Variants in MBL2 observed in about 807,000 individuals in gnomAD.
MBL2 encodes the protein mannose-binding protein C.
A neutral mutation model predicts 12.7 loss-of-function variants in MBL2; 6 were observed. That is an observed-to-expected ratio of 0.47 (90% CI 0.26 to 0.94). The LOEUF is 0.94. Ranked by LOEUF, MBL2 falls within the 40% of genes least tolerant of loss-of-function variation. The pLI is 0.15. For missense variants in MBL2, 307 were observed against 295.2 expected (o/e 1.04, Z -0.29); for synonymous variants, 114 against 112.0 (o/e 1.02, Z -0.11).
chr10:52,768,414 T>C lies in MBL2; in HGVS notation c.470A>G (p.Lys157Arg), dbSNP rs1251711278. The C allele has an allele frequency of 6.2e-7, 1 of 1,613,438 alleles. No individual in the cohort carries two copies. The highest frequency in any genetic ancestry group is 1.3e-5 in the African/African-American group (1 of 74,820). The change falls in exon 5 of 5, where the codon AAG (lysine) becomes AGG (arginine). Residue 157 changes from lysine (K) to arginine (R), a missense_variant. By Grantham distance (26) the Lys-to-Arg change is conservative (BLOSUM62 2). Coordinates refer to ENST00000674931, the MANE Select transcript of MBL2 (RefSeq NM_001378373.1). ...TFEKVKALCVKFQASVATPRN... is the reference protein window; with the variant it reads ...TFEKVKALCVRFQASVATPRN... ...GGGGGTGGCCACAGAGGCCTGGAAC[T>C]TGACACACAAGGCCTTCACTTTTTC...
chr10:52,768,396 G>A lies in MBL2; in HGVS notation c.488C>T (p.Ala163Val), dbSNP rs1840339144. The change falls in exon 5 of 5, where the codon GCC becomes GTC. Residue 163 changes from alanine (A) to valine (V), a missense_variant. By Grantham distance (64) the Ala-to-Val change is moderately conservative (BLOSUM62 0). Transcript: ENST00000674931. ...ATTCTCTGCAGCATTCCTGGGGGTG[G>A]CCACAGAGGCCTGGAACTTGACACA... is the stretch of plus-strand genomic sequence containing the variant. ...ALCVKFQASV[A>V]TPRNAAENGA... 6.2e-7 allele frequency: 1 copy of A among 1,613,662 alleles called. No individual in the cohort carries two copies. Among genetic ancestry groups the A allele is most frequent in the Non-Finnish European group, 8.5e-7 (1 of 1,179,942 alleles).
Position 52,766,569 on chromosome 10 carries a change from G to A in MBL2, c.*1568C>T, listed in dbSNP as rs886047045. Reference sequence around the variant, plus strand: ...TCAAAATCATGAAAAATCTCTTCATGGTTTCAAAATCATGAAAAATATCTT... The same window carrying A: ...TCAAAATCATGAAAAATCTCTTCATAGTTTCAAAATCATGAAAAATATCTT... On this transcript the variant is annotated 3_prime_UTR_variant, in exon 5 of 5. Transcript: ENST00000674931. 2.0e-5 allele frequency: 3 copies of A among 151,900 alleles called. No individual in the cohort carries two copies. The South Asian group carries it at 6.2e-4, about 31-fold the overall frequency. 9.4% of individuals were successfully genotyped at this position (151,900 alleles called of 1,614,324 possible). A position where few individuals can be genotyped will look rare whatever the true frequency, so the allele number is the denominator to read the frequency against.
At chr10:52,770,588 A>T in intron 3 of MBL2, 82 bp downstream of exon 3, 1 of 823,840 alleles carries the variant, frequency 1.2e-6, no homozygotes, top group African/African-American at 1.8e-5. Context: ...TTGAAGGAAC[A>T]GGAGAAGGGG....
intron 3 of MBL2, among the ~76,000 whole-genome samples, chr10:52,769,673 T>C (rs936568809): frequency 3.9e-5 from 6 of 152,228 alleles, no homozygotes; most frequent in African/African-American, 1.4e-4. Flanking sequence ...GAGGCGTTAC[T>C]CTATTATGAC....
chr10:52,769,534 A>G (rs1021731426), intron 3 of MBL2, among the ~76,000 whole-genome samples: 1 of 152,212 alleles, frequency 6.6e-6, no homozygotes, highest in Non-Finnish European at 1.5e-5. Context: ...TGTTTACTGT[A>G]TCCCAAAGTA....
rs758996436 is a variant in MBL2, at chr10:52,765,386, T to C, written c.*2751A>G. 2.0e-5 allele frequency: 3 copies of C among 152,196 alleles called. No homozygotes were observed. Among genetic ancestry groups the C allele is most frequent in the African/African-American group, 7.2e-5 (3 of 41,464 alleles). The allele number at this position is 152,196 out of a possible 1,614,324, so 9.4% of individuals were successfully genotyped here. A position where few individuals can be genotyped will look rare whatever the true frequency, so the allele number is the denominator to read the frequency against. On this transcript the variant is annotated 3_prime_UTR_variant, in exon 5 of 5. Coordinates refer to ENST00000674931, the MANE Select transcript of MBL2 (RefSeq NM_001378373.1). ...ATACATACACAAGATAAAATGTGAC[T>C]AAATGGAGTTTATTCCATCAAAGCA...
intron 2 of MBL2, 113 bp from the exon 3 acceptor site, chr10:52,770,899 C>T (rs527261741): frequency 2.7e-5 from 14 of 517,988 alleles, no homozygotes; most frequent in South Asian, 2.3e-4. Flanking sequence ...CCAGGACTGA[C>T]CTTTCTGAGC....
At position 52,771,653 on chromosome 10, in the gene MBL2, G is replaced by T. The variant is rs747003791; in HGVS notation, c.-9-9C>A. On this transcript the variant is annotated splice_polypyrimidine_tract_variant and intron_variant, in intron 1 of 4. Coordinates refer to ENST00000674931, the MANE Select transcript of MBL2 (RefSeq NM_001378373.1). ...AGGGACATGGTCCTCACCTTGGTGT[G>T]AGAAAACTCAGGGAAGGTTAATCTC... 6.2e-6 allele frequency: 10 copies of T among 1,610,342 alleles called. No homozygotes were observed. In the South Asian group the frequency reaches 1.1e-4, roughly 18 times the overall value.
At position 52,772,740 on chromosome 10, in the gene MBL2, T is replaced by C. The variant is rs181316107; in HGVS notation, c.-13A>G. The C allele has an allele frequency of 2.3e-5, 23 of 985,160 alleles. No homozygotes were observed. In the Admixed American group the frequency reaches 3.7e-4, roughly 16 times the overall value. The allele number at this position is 985,160 out of a possible 1,614,324, so 61.0% of individuals were successfully genotyped here. ...TTATTCACCAGAAATGACTTACTGG[T>C]GTTTCTGCAGAGCAGGGACTCAGTG... On this transcript the variant is annotated 5_prime_UTR_variant, in exon 1 of 5. Coordinates refer to ENST00000674931, the MANE Select transcript of MBL2 (RefSeq NM_001378373.1).
At chr10:52,771,728 G>T (rs1840396663) in intron 1 of MBL2, 84 bp from the exon 2 acceptor site, 11 of 1,489,904 alleles carry the variant, frequency 7.4e-6, no homozygotes, top group African/African-American at 2.8e-5. Context: ...TACAATCTGG[G>T]TGCAGGCTAT....
At chr10:52,770,376 C>G (rs1272026036) in intron 3 of MBL2, among the ~76,000 whole-genome samples, 1 of 152,198 alleles carries the variant, frequency 6.6e-6, no homozygotes, top group Admixed American at 6.5e-5. Context: ...CTGTTTTCTC[C>G]CTCTAGGACC....
chr10:52,769,194 A>G (rs1460418763), intron 4 of MBL2, 53 bp downstream of exon 4: 4 of 1,219,400 alleles, frequency 3.3e-6, no homozygotes, highest in Non-Finnish European at 3.6e-6. Flanking sequence ...TATTTGTTGC[A>G]TTCTATTTTT....
At chr10:52,772,704 GA>G in intron 1 of MBL2, 32 bp downstream of exon 1, 3 of 985,126 alleles carry the variant, frequency 3.0e-6, no homozygotes, top group Non-Finnish European at 1.2e-6. Context: ...CCTTGATCCG[GA>G]AACCCAGATT....
Position 52,772,736 on chromosome 10 carries a change from C to T in MBL2, c.-10+1G>A. The T allele has an allele frequency of 5.1e-6, 5 of 985,248 alleles. No homozygotes were observed. In the South Asian group the frequency reaches 2.3e-4, roughly 46 times the overall value. The allele number at this position is 985,248 out of a possible 1,614,324, so 61.0% of individuals were successfully genotyped here. On this transcript the variant is annotated splice_donor_variant, in intron 1 of 4. Coordinates refer to ENST00000674931, the MANE Select transcript of MBL2 (RefSeq NM_001378373.1). LOFTEE classifies it low-confidence loss of function (5UTR_SPLICE). Reference sequence around the variant, plus strand: ...AGATTTATTCACCAGAAATGACTTACTGGTGTTTCTGCAGAGCAGGGACTC... The same window carrying T: ...AGATTTATTCACCAGAAATGACTTATTGGTGTTTCTGCAGAGCAGGGACTC...
At position 52,768,214 on chromosome 10, in the gene MBL2, A is replaced by G. The variant is rs757031277; in HGVS notation, c.670T>C (p.Leu224=). The part of the protein sequence containing the change: ...NNAGSDEDCV[L]LLKNGQWNDV... Reference sequence around the variant, plus strand: ...TTCCACTGGCCATTTTTCAGTAGCAATACACAATCTTCATCAGAACCAGCA... The same window carrying G: ...TTCCACTGGCCATTTTTCAGTAGCAGTACACAATCTTCATCAGAACCAGCA... The change falls in exon 5 of 5, where the codon TTG becomes CTG. Residue 224 remains leucine, a synonymous_variant. Transcript: ENST00000674931. 1.1e-5 allele frequency: 17 copies of G among 1,613,692 alleles called. No homozygotes were observed. In the South Asian group the frequency reaches 1.2e-4, roughly 11 times the overall value.
rs1184244631 is a variant in MBL2, at chr10:52,766,617, T to C, written c.*1520A>G. The C allele has an allele frequency of 6.6e-6, 1 of 152,126 alleles. No individual in the cohort carries two copies. Among genetic ancestry groups the C allele is most frequent in the Non-Finnish European group, 1.5e-5 (1 of 67,986 alleles). 9.4% of individuals were successfully genotyped at this position (152,126 alleles called of 1,614,324 possible). A position where few individuals can be genotyped will look rare whatever the true frequency, so the allele number is the denominator to read the frequency against. On this transcript the variant is annotated 3_prime_UTR_variant, in exon 5 of 5. Coordinates refer to ENST00000674931, the MANE Select transcript of MBL2 (RefSeq NM_001378373.1). ...CTTATGATTTTGGGATGGGCAAAAATTTCTTAAACATGACACAAAAAGCAC... is the reference window on the plus strand; with the variant it reads ...CTTATGATTTTGGGATGGGCAAAAACTTCTTAAACATGACACAAAAAGCAC...
In MBL2 at chr10:52,771,484, C is replaced by T; in HGVS notation, c.152G>A (p.Gly51Glu). The T allele has an allele frequency of 1.2e-6, 2 of 1,613,892 alleles. No homozygotes were observed. The highest frequency in any genetic ancestry group is 2.2e-5 in the South Asian group (2 of 91,068). Residue 51 changes from glycine to glutamate, a missense_variant, in exon 2 of 5, where the codon GGG becomes GAG. Gly to Glu is a moderately conservative substitution (Grantham distance 98). Coordinates refer to ENST00000674931, the MANE Select transcript of MBL2 (RefSeq NM_001378373.1). ...CTTTTCTCCCTTGGTGCCATCACGC[C>T]CATCTTTGCCTGGGAAGCCGTTGAT... ...PGINGFPGKDGRDGTKGEKGE... is the reference protein window; with the variant it reads ...PGINGFPGKDERDGTKGEKGE...
At chr10:52,769,731 G>A (rs1018388737) in intron 3 of MBL2, among the ~76,000 whole-genome samples, 2 of 152,142 alleles carry the variant, frequency 1.3e-5, no homozygotes, top group Non-Finnish European at 1.5e-5. Context: ...TCTTTGGAGA[G>A]GTTTTGCTTT....
At position 52,768,495 on chromosome 10, in the gene MBL2, A is replaced by G; in HGVS notation, c.389T>C (p.Leu130Pro). Residue 130 changes from leucine to proline, a missense_variant, in exon 5 of 5, where the codon CTG becomes CCG. Coordinates refer to ENST00000674931, the MANE Select transcript of MBL2 (RefSeq NM_001378373.1). ...ARIKKWLTFS[L>P]GKQVGNKFFL... ...GAACTTGTTCCCAACTTGTTTGCCC[A>G]GAGAGAAGGTGAGCCCTAAAATGTG... is the stretch of plus-strand genomic sequence containing the variant. 1 of 1,575,010 alleles carries G rather than the reference A, an allele frequency of 6.3e-7. No homozygotes were observed. Among genetic ancestry groups the G allele is most frequent in the Non-Finnish European group, 8.6e-7 (1 of 1,162,426 alleles).
Sources: allele counts gnomAD v4.1 joint callset (sites outside exome capture counted in the v4.1 genomes callset), GRCh38; gene constraint gnomAD v4.1.1; transcripts MANE v1.5; gene names NCBI Gene and HGNC (gene_info 2026-07-23, HGNC 2026-07-21).